The following NRXN3 variants were observed in gnomAD, a reference collection of about 807,000 sequenced individuals.
NRXN3 encodes the protein neurexin III.
NRXN3 carries 32 observed loss-of-function variants against 137.6 expected under a neutral mutation model. The ratio of observed to expected loss-of-function variants is 0.23; its 90% CI spans 0.18 to 0.31. NRXN3 has a LOEUF of 0.31. Among genes scored for constraint, NRXN3 ranks in the 10% least tolerant of loss-of-function variants. The pLI is 1.00. For synonymous variants in NRXN3, 798 were observed against 784.5 expected (o/e 1.02, Z -0.29); for missense variants, 1,574 against 2,062.5 (o/e 0.76, Z 4.59).
At chr14:78,967,100 C>T in intron 12 of NRXN3, 108 bp from the exon 13 acceptor site, 1 of 839,878 alleles carries the variant, frequency 1.2e-6, no homozygotes, top group Non-Finnish European at 1.8e-6. Context: ...TGCATTATGC[C>T]AGTTTAGCAT....
At chr14:79,155,595 A>G (rs894484220) in intron 15 of NRXN3, among the ~76,000 whole-genome samples, 3 of 151,866 alleles carry the variant, frequency 2.0e-5, no homozygotes, top group Admixed American at 2.0e-4. Flanking sequence ...ATTACTTCTC[A>G]TAAATAAAAA....
chr14:79,607,862 G>A (rs952454006), intron 16 of NRXN3, among the ~76,000 whole-genome samples: 1 of 151,760 alleles, frequency 6.6e-6, no homozygotes, highest in East Asian at 1.9e-4. Context: ...GTCAAGACGG[G>A]GTCTCACTAT....
chr14:78,244,746 C>T (rs1317120639), intron 2 of NRXN3, among the ~76,000 whole-genome samples: 1 of 152,210 alleles, frequency 6.6e-6, no homozygotes, highest in Non-Finnish European at 1.5e-5. Flanking sequence ...CTTTCCCATC[C>T]TCTCCATGTA....
chr14:79,460,819 G>A (rs2096326244), intron 15 of NRXN3, among the ~76,000 whole-genome samples: 1 of 152,174 alleles, frequency 6.6e-6, no homozygotes, highest in Non-Finnish European at 1.5e-5. Flanking sequence ...CAGTTTCTCA[G>A]CTTACTGAGC....
At chr14:78,407,387 T>G (rs1327310894) in intron 4 of NRXN3, among the ~76,000 whole-genome samples, 2 of 152,182 alleles carry the variant, frequency 1.3e-5, no homozygotes, top group African/African-American at 2.4e-5. Flanking sequence ...TGTTGTTGTT[T>G]TTTCTCTTAT....
chr14:79,314,234 G>A (rs1598593993), intron 15 of NRXN3: 1 of 135,710 alleles, frequency 7.4e-6, no homozygotes, highest in Non-Finnish European at 1.6e-5. Context: ...GAAGCAGGGC[G>A]AGGCATTGCC....
chr14:78,829,244 C>T (rs896561922), intron 10 of NRXN3, among the ~76,000 whole-genome samples: 1 of 152,138 alleles, frequency 6.6e-6, no homozygotes, highest in Non-Finnish European at 1.5e-5. Flanking sequence ...TGTTCTTAGT[C>T]ACTTGTGGAG....
At chr14:79,630,534 C>T (rs1048412794) in intron 16 of NRXN3, among the ~76,000 whole-genome samples, 16 of 152,148 alleles carry the variant, frequency 1.1e-4, no homozygotes, top group Non-Finnish European at 2.1e-4. Flanking sequence ...TGAAGACTGA[C>T]GGACATTTAT....
chr14:79,418,940 A>C (rs2095536327), intron 15 of NRXN3, among the ~76,000 whole-genome samples: 1 of 152,134 alleles, frequency 6.6e-6, no homozygotes, highest in Non-Finnish European at 1.5e-5. Context: ...CTTAAGTGTT[A>C]ACTATGGGCA....
rs7493587 is a variant in NRXN3, at chr14:79,751,589, C to A, written c.4015-53523C>A. Among the ~76,000 whole-genome samples, 1,518 of 151,892 alleles carry A rather than the reference C, an allele frequency of 1.0e-2. 23 individuals carry two copies. Among genetic ancestry groups the A allele is most frequent in the Non-Finnish European group, 8.3e-3 (564 of 67,942 alleles). ...TCCTTCTCCTGCCTAATTGCCCTGGCTAGAACTTCCAACACTATGTTGAAT... is the reference window on the plus strand; with the variant it reads ...TCCTTCTCCTGCCTAATTGCCCTGGATAGAACTTCCAACACTATGTTGAAT... On this transcript the variant is annotated intron_variant, in intron 19 of 20. Coordinates refer to ENST00000335750, the MANE Select transcript of NRXN3 (RefSeq NM_001330195.2).
At chr14:78,570,746 G>A (rs142353363) in intron 4 of NRXN3, among the ~76,000 whole-genome samples, 104 of 152,330 alleles carry the variant, frequency 6.8e-4, no homozygotes, top group African/African-American at 2.3e-3. Flanking sequence ...CAGACAAAGC[G>A]TAATTTACAA....
chr14:78,267,275 T>C (rs1227342674), intron 2 of NRXN3, among the ~76,000 whole-genome samples: 1 of 152,194 alleles, frequency 6.6e-6, no homozygotes, highest in East Asian at 1.9e-4. Context: ...GGGACTTATC[T>C]AAGGTCACAT....
chr14:79,319,658 C>T (rs1271376121), intron 15 of NRXN3, among the ~76,000 whole-genome samples: 1 of 152,110 alleles, frequency 6.6e-6, no homozygotes, highest in Non-Finnish European at 1.5e-5. Flanking sequence ...TGATATAGAG[C>T]CTTTCCTGGA....
At chr14:79,732,378 TAAG>T (rs2098927174) in intron 19 of NRXN3, among the ~76,000 whole-genome samples, 1 of 152,098 alleles carries the variant, frequency 6.6e-6, no homozygotes, top group Non-Finnish European at 1.5e-5. Flanking sequence ...TGTGTGTGAG[TAAG>T]AAGGAGCATG....
At chr14:79,748,765 T>A (rs1045612804) in intron 19 of NRXN3, among the ~76,000 whole-genome samples, 1 of 152,134 alleles carries the variant, frequency 6.6e-6, no homozygotes, top group Non-Finnish European at 1.5e-5. Flanking sequence ...CTCTCTCCCC[T>A]TCTTTTGCCA....
At position 78,693,656 on chromosome 14, in the gene NRXN3, CGTGTGTGTGTGTGTGTGTGTGTGT is replaced by C. The variant is rs4016744; in HGVS notation, c.1222-15528_1222-15505del. On this transcript the variant is annotated intron_variant, in intron 6 of 20. Coordinates refer to ENST00000335750, the MANE Select transcript of NRXN3 (RefSeq NM_001330195.2). ...TGCAATAGCTTTTCAAGTTGATTTTCGTGTGTGTGTGTGTGTGTGTGTGTGTGTGTGTGTGTGTGTGTGTGTGTG... is the reference window on the plus strand; with the variant it reads ...TGCAATAGCTTTTCAAGTTGATTTTCGTGTGTGTGTGTGTGTGTGTGTGTG... Among the ~76,000 whole-genome samples, 633 of 113,994 alleles carry C rather than the reference CGTGTGTGTGTGTGTGTGTGTGTGT, an allele frequency of 5.6e-3. 4 individuals carry two copies. Among genetic ancestry groups the C allele is most frequent in the Non-Finnish European group, 8.1e-3 (448 of 55,226 alleles). 74.8% of individuals were successfully genotyped at this position (113,994 alleles called of 152,430 possible).
At chr14:78,250,803 T>C (rs1295766673) in intron 2 of NRXN3, among the ~76,000 whole-genome samples, 1 of 152,152 alleles carries the variant, frequency 6.6e-6, no homozygotes, top group Non-Finnish European at 1.5e-5. Context: ...GCTTCTGGGC[T>C]CCCTCAATAA....
At chr14:79,283,629 G>A (rs116585642) in intron 15 of NRXN3, among the ~76,000 whole-genome samples, 29 of 151,974 alleles carry the variant, frequency 1.9e-4, no homozygotes, top group African/African-American at 6.8e-4. Flanking sequence ...CTTACCTGGG[G>A]TGCCCCCAAA....
At chr14:79,777,771 T>C (rs17764680) in intron 19 of NRXN3, among the ~76,000 whole-genome samples, 52,490 of 151,288 alleles carry the variant, frequency 0.35, 9,671 homozygotes, top group Middle Eastern at 0.45. Flanking sequence ...GTATAGCAAA[T>C]GTTGAGATAT....
Sources: gnomAD v4.1 joint callset for allele counts (sites outside exome capture counted in the v4.1 genomes callset) on GRCh38, gnomAD v4.1.1 for gene constraint, MANE v1.5 for transcripts, NCBI Gene and HGNC (gene_info 2026-07-23, HGNC 2026-07-21) for gene names.